The following CHN1 variants were observed in gnomAD, a reference collection of about 807,000 sequenced individuals.
CHN1 encodes chimerin 1, also known as N-chimaerin.
In CHN1, 37 loss-of-function variants were observed where a neutral mutation model predicts 59.5. The ratio of observed to expected loss-of-function variants is 0.62; its 90% CI spans 0.48 to 0.82. The LOEUF (loss-of-function observed/expected upper bound fraction) is 0.82. CHN1 is among the 40% of genes least tolerant of loss of function. The pLI is 0.00. For synonymous variants in CHN1, 206 were observed against 200.4 expected, an observed-to-expected ratio of 1.03 and a Z score of -0.24; for missense variants, 469 against 571.0, an observed-to-expected ratio of 0.82 and a Z score of 1.82.
At position 174,878,112 on chromosome 2, in the gene CHN1, T is replaced by C; in HGVS notation, c.277A>G (p.Arg93Gly). Residue 93 changes from arginine to glycine, a missense_variant, in exon 6 of 13, where the codon AGA becomes GGA. By Grantham distance (125) the Arg-to-Gly change is moderately radical (BLOSUM62 -2). Around this residue, in one of 5 missense-constraint regions of CHN1, gnomAD observed 152 missense variants for 166.1 expected, o/e 0.92. Transcript: ENST00000409900. ...TLALRFGSQT[R>G]NFRLYYDGKH... is the part of the protein sequence containing the mutation. ...CCATCGTAGTAGAGCCTGAAGTTTCTGGTTTGACTTCCAAATCTGCCTCAA... is the reference window on the plus strand; with the variant it reads ...CCATCGTAGTAGAGCCTGAAGTTTCCGGTTTGACTTCCAAATCTGCCTCAA... The C allele has an allele frequency of 6.5e-7, 1 of 1,532,978 alleles. No individual in the cohort carries two copies. 95.0% of individuals were successfully genotyped at this position (1,532,978 alleles called of 1,614,324 possible).
intron 2 of CHN1, among the ~76,000 whole-genome samples, chr2:174,950,941 A>G (rs1006202472): frequency 2.6e-4 from 40 of 152,104 alleles, no homozygotes; most frequent in African/African-American, 7.5e-4. Flanking sequence ...CATCACGCCT[A>G]GCTAATTTTT....
chr2:174,965,918 G>A (rs1044977597), intron 1 of CHN1, among the ~76,000 whole-genome samples: 1 of 152,138 alleles, frequency 6.6e-6, no homozygotes, highest in African/African-American at 2.4e-5. Context: ...GTTAATATGT[G>A]AAAGAGTCAC....
At position 174,984,596 on chromosome 2, in the gene CHN1, T is replaced by G. The variant is rs1691276977; in HGVS notation, c.19+20298A>C. Among the ~76,000 whole-genome samples, 6 of 152,282 alleles carry G rather than the reference T, an allele frequency of 3.9e-5. No individual in the cohort carries two copies. The South Asian group carries it at 1.2e-3, about 32-fold the overall frequency. On this transcript the variant is annotated intron_variant, in intron 1 of 12. Coordinates refer to ENST00000409900, the MANE Select transcript of CHN1 (RefSeq NM_001822.7). The stretch of plus-strand genomic sequence containing the variant: ...ATTGGCCAGGATGGTCTCGATCCCT[T>G]GACCTTGTGATCTGCCTGCCTTGGC...
chr2:174,981,950 C>T (rs1468591411), intron 1 of CHN1, among the ~76,000 whole-genome samples: 1 of 152,142 alleles, frequency 6.6e-6, no homozygotes, highest in African/African-American at 2.4e-5. Context: ...TCCCTGCTCC[C>T]CCCACCCCAC....
At chr2:174,842,348 A>G (rs1315080483) in intron 7 of CHN1, among the ~76,000 whole-genome samples, 1 of 152,218 alleles carries the variant, frequency 6.6e-6, no homozygotes, top group African/African-American at 2.4e-5. Context: ...ATATTCTTTC[A>G]TATATAGTTA....
intron 1 of CHN1, among the ~76,000 whole-genome samples, chr2:174,961,961 T>G (rs2105426832): frequency 6.6e-6 from 1 of 152,250 alleles, no homozygotes; most frequent in African/African-American, 2.4e-5. Flanking sequence ...CCTTGGCATA[T>G]CTAGGATATG....
chr2:174,880,283 A>C (rs1687693328), intron 5 of CHN1, among the ~76,000 whole-genome samples: 1 of 152,194 alleles, frequency 6.6e-6, no homozygotes, highest in African/African-American at 2.4e-5. Flanking sequence ...TGGAATTATG[A>C]TTGATCTTTT....
At chr2:174,940,169 A>G (rs1021951506) in intron 3 of CHN1, among the ~76,000 whole-genome samples, 1 of 152,100 alleles carries the variant, frequency 6.6e-6, no homozygotes, top group African/African-American at 2.4e-5. Context: ...AGCTGGGACT[A>G]AAGGCGCATG....
chr2:174,811,296 A>G (rs1685064003), intron 10 of CHN1: 1 of 473,370 alleles, frequency 2.1e-6, no homozygotes, highest in East Asian at 3.5e-5. Flanking sequence ...TATTGGTAAC[A>G]TAGTTTAATT....
intron 1 of CHN1, among the ~76,000 whole-genome samples, chr2:174,959,764 G>C (rs964343875): frequency 6.6e-6 from 1 of 152,158 alleles, no homozygotes; most frequent in Non-Finnish European, 1.5e-5. Flanking sequence ...CACAGCCTAA[G>C]GTGGATGCTG....
intron 5 of CHN1, 132 bp downstream of exon 5, chr2:174,914,926 A>G (rs1272915782): frequency 7.7e-6 from 4 of 520,424 alleles, no homozygotes; most frequent in Non-Finnish European, 1.0e-5. Flanking sequence ...TCTCAAAGCT[A>G]TTAAAATGGT....
chr2:174,803,688 G>A (rs901562828), intron 11 of CHN1, among the ~76,000 whole-genome samples: 1 of 152,128 alleles, frequency 6.6e-6, no homozygotes, highest in Admixed American at 6.5e-5. Flanking sequence ...CCAAGTAGCT[G>A]GGACTGTGGG....
chr2:174,894,697 T>C (rs1454554976), intron 5 of CHN1, among the ~76,000 whole-genome samples: 1 of 152,090 alleles, frequency 6.6e-6, no homozygotes, highest in African/African-American at 2.4e-5. Flanking sequence ...TTGTTCACAA[T>C]AGCCAAGATG....
intron 5 of CHN1, among the ~76,000 whole-genome samples, chr2:174,882,907 G>A (rs1260833592): frequency 1.3e-5 from 2 of 152,176 alleles, no homozygotes; most frequent in African/African-American, 4.8e-5. Context: ...GGCTATGGAA[G>A]AGAGAGCATA....
intron 8 of CHN1, among the ~76,000 whole-genome samples, chr2:174,815,564 A>G (rs960550656): frequency 4.1e-5 from 6 of 146,358 alleles, no homozygotes; most frequent in African/African-American, 1.0e-4. Context: ...GTTCTTCCTA[A>G]TATCTATTTC....
chr2:174,957,639 G>A (rs2105420978), intron 1 of CHN1, among the ~76,000 whole-genome samples: 1 of 152,112 alleles, frequency 6.6e-6, no homozygotes, highest in South Asian at 2.1e-4. Flanking sequence ...GTTTATAACA[G>A]GACACCCATA....
rs907979866 is a variant in CHN1 at position 174,846,784 on chromosome 2, G to C, written c.627+96C>G. On this transcript the variant is annotated intron_variant, in intron 7 of 12. Coordinates refer to ENST00000409900, the MANE Select transcript of CHN1 (RefSeq NM_001822.7). ...TAAATAGCAAGAACATTTTAGTCAA[G>C]TCATCCTAGTTTTAAAAAGACATAA... The C allele has an allele frequency of 4.1e-6, 5 of 1,206,508 alleles. No homozygotes were observed. The African/African-American group carries it at 7.7e-5, about 19-fold the overall frequency. The allele number at this position is 1,206,508 out of a possible 1,614,324, so 74.7% of individuals were successfully genotyped here.
At chr2:174,856,281 C>T (rs540799216) in intron 6 of CHN1, among the ~76,000 whole-genome samples, 50 of 152,284 alleles carry the variant, frequency 3.3e-4, no homozygotes, top group Middle Eastern at 3.4e-3. Context: ...GCAGCAATCA[C>T]ATCATAATTC....
In CHN1 at chr2:174,799,980, A is replaced by C. The variant is rs1222023486; in HGVS notation, c.*136T>G. On this transcript the variant is annotated 3_prime_UTR_variant, in exon 13 of 13. Coordinates refer to ENST00000409900, the MANE Select transcript of CHN1 (RefSeq NM_001822.7). Reference sequence around the variant, plus strand: ...AGCTGAGCGGTGCTACAAAAACAACAGAAAGTTCCTTCACTTTAATCTGGT... The same window carrying C: ...AGCTGAGCGGTGCTACAAAAACAACCGAAAGTTCCTTCACTTTAATCTGGT... 1.2e-6 allele frequency: 1 copy of C among 833,876 alleles called. No individual in the cohort carries two copies. Among genetic ancestry groups the C allele is most frequent in the African/African-American group, 1.7e-5 (1 of 59,748 alleles). 51.7% of individuals were successfully genotyped at this position (833,876 alleles called of 1,614,324 possible).
Sources: allele counts gnomAD v4.1 joint callset (sites outside exome capture counted in the v4.1 genomes callset), GRCh38; gene constraint gnomAD v4.1.1; regional missense constraint gnomAD v4.1.1; transcripts MANE v1.5; gene names NCBI Gene and HGNC (gene_info 2026-07-23, HGNC 2026-07-21).